Variants in TMEM181 observed in about 807,000 individuals in gnomAD.
TMEM181 encodes the protein transmembrane protein 181.
TMEM181 carries 39 observed loss-of-function variants against 71.9 expected under a neutral mutation model. The observed-to-expected ratio is 0.54, with a 90% CI of 0.42 to 0.71. TMEM181 has a LOEUF of 0.71. Ranked by LOEUF, TMEM181 falls within the 30% of genes least tolerant of loss-of-function variation. The pLI, the probability that TMEM181 is intolerant of heterozygous loss-of-function variation, is 0.00. For synonymous variants in TMEM181, 245 were observed against 228.8 expected (o/e 1.07, Z -0.64); for missense variants, 595 against 583.0 (o/e 1.02, Z -0.21).
chr6:158,608,198 T>C, intron 8 of TMEM181, 135 bp from the exon 9 acceptor site: 2 of 1,182,982 alleles, frequency 1.7e-6, no homozygotes, highest in Non-Finnish European at 1.2e-6. Context: ...TATGGGGTGC[T>C]GTCTGCCAGG....
Position 158,566,238 on chromosome 6 carries a change from G to C in TMEM181, c.8+6006G>C, listed in dbSNP as rs940391516. 1.1e-4 allele frequency among the ~76,000 whole-genome samples: 16 copies of C among 152,190 alleles called. No homozygotes were observed. In the Middle Eastern group the frequency reaches 0.01, roughly 97 times the overall value. ...GATAGCCAAACGGGCATGCCAAGTG[G>C]TTGAGTAGGGGTCTGGAGTTGAGGG... On this transcript the variant is annotated intron_variant, in intron 1 of 16. Transcript: ENST00000684151.
chr6:158,623,539 T>C lies in TMEM181; in HGVS notation c.897-11T>C. On this transcript the variant is annotated splice_polypyrimidine_tract_variant and intron_variant, in intron 10 of 16. Coordinates refer to ENST00000684151, the MANE Select transcript of TMEM181 (RefSeq NM_001376852.1). The stretch of plus-strand genomic sequence containing the variant: ...TATTAATCTATAATTATTTATAATG[T>C]CAATTTTTAGAGTTAACGAATTACA... 1 of 1,509,878 alleles carries C rather than the reference T, an allele frequency of 6.6e-7. No individual in the cohort carries two copies. The allele number at this position is 1,509,878 out of a possible 1,614,324, so 93.5% of individuals were successfully genotyped here.
intron 11 of TMEM181, 135 bp from the exon 12 acceptor site, chr6:158,624,969 G>A: frequency 1.4e-6 from 1 of 732,502 alleles, no homozygotes; most frequent in Non-Finnish European, 2.5e-6. Flanking sequence ...GGAGCCCATT[G>A]TTCTGCTTCC....
intron 13 of TMEM181, among the ~76,000 whole-genome samples, chr6:158,627,019 TCA>T (rs1375451118): frequency 3.0e-4 from 42 of 139,244 alleles, no homozygotes; most frequent in Non-Finnish European, 4.6e-4. Context: ...TTACAGCCTC[TCA>T]CTCTCACACA....
intron 6 of TMEM181, among the ~76,000 whole-genome samples, chr6:158,604,113 G>T (rs1382704005): frequency 6.6e-6 from 1 of 152,182 alleles, no homozygotes; most frequent in Admixed American, 6.5e-5. Context: ...TTTTTGGGAG[G>T]TTCGTTCTCT....
intron 1 of TMEM181, among the ~76,000 whole-genome samples, chr6:158,562,860 C>T (rs528709945): frequency 3.3e-5 from 5 of 152,210 alleles, no homozygotes; most frequent in Non-Finnish European, 7.3e-5. Context: ...GGAATCCTCA[C>T]TATCACCTTT....
At position 158,585,306 on chromosome 6, in the gene TMEM181, ACTT is replaced by A; in HGVS notation, c.265_267del (p.Ser89del). ...CACTGAATTTTTTTCTTTTGTAGAAACTTCTATTAAGACAAGCTTTCCCATGAC... is the reference window on the plus strand; with the variant it reads ...CACTGAATTTTTTTCTTTTGTAGAAACTATTAAGACAAGCTTTCCCATGAC... On this transcript the variant is annotated inframe_deletion, in exon 5 of 17. Transcript: ENST00000684151. The A allele has an allele frequency of 1.3e-6, 2 of 1,596,816 alleles. No individual in the cohort carries two copies. Among genetic ancestry groups the A allele is most frequent in the Non-Finnish European group, 1.7e-6 (2 of 1,173,690 alleles).
intron 5 of TMEM181, among the ~76,000 whole-genome samples, chr6:158,585,809 G>A (rs1313188826): frequency 6.6e-6 from 1 of 152,176 alleles, no homozygotes; most frequent in Non-Finnish European, 1.5e-5. Context: ...GCCACAGGCT[G>A]TGGTCACTGG....
rs112808629 is a variant in TMEM181 at position 158,614,065 on chromosome 6, A to G, written c.896+5315A>G. Among the ~76,000 whole-genome samples, 330 of 152,344 alleles carry G rather than the reference A, an allele frequency of 2.2e-3. 1 individual carries two copies. The highest frequency in any genetic ancestry group is 7.5e-3 in the African/African-American group (311 of 41,582). On this transcript the variant is annotated intron_variant, in intron 10 of 16. Coordinates refer to ENST00000684151, the MANE Select transcript of TMEM181 (RefSeq NM_001376852.1). ...GACATCCCATACAGTTTTAGAACAT[A>G]TGTTAATATTATTCCCTCAAATAAA...
At chr6:158,601,335 G>C (rs995664102) in intron 6 of TMEM181, among the ~76,000 whole-genome samples, 5 of 151,822 alleles carry the variant, frequency 3.3e-5, no homozygotes, top group African/African-American at 1.2e-4. Context: ...GATCACCTGA[G>C]ATCAGGAGTT....
intron 10 of TMEM181, chr6:158,611,521 A>G (rs1785310127): frequency 2.0e-6 from 1 of 494,856 alleles, no homozygotes; most frequent in African/African-American, 2.0e-5. Context: ...GAGTTCATGG[A>G]GTTACGAGAA....
chr6:158,584,968 T>G (rs917014099), intron 4 of TMEM181, among the ~76,000 whole-genome samples: 1 of 152,190 alleles, frequency 6.6e-6, no homozygotes, highest in African/African-American at 2.4e-5. Flanking sequence ...TTTCTATTTT[T>G]GGTATAGAAT....
rs927270990 is a variant in TMEM181, at chr6:158,632,098, T to G, written c.*210T>G. On this transcript the variant is annotated 3_prime_UTR_variant, in exon 17 of 17. Coordinates refer to ENST00000684151, the MANE Select transcript of TMEM181 (RefSeq NM_001376852.1). ...TCATGGTGGCTACGAGAAGAGGCAT[T>G]GATAACAAGTTTCAACAGCCAAATC... 2.0e-5 allele frequency: 11 copies of G among 548,964 alleles called. No homozygotes were observed. The African/African-American group carries it at 2.1e-4, about 10-fold the overall frequency. The allele number at this position is 548,964 out of a possible 1,614,324, so 34.0% of individuals were successfully genotyped here. A position where few individuals can be genotyped will look rare whatever the true frequency, so the allele number is the denominator to read the frequency against.
At chr6:158,579,073 A>G (rs1783323139) in intron 2 of TMEM181, among the ~76,000 whole-genome samples, 1 of 152,026 alleles carries the variant, frequency 6.6e-6, no homozygotes, top group African/African-American at 2.4e-5. Context: ...AGCCTAACCA[A>G]CATGGTGAAA....
upstream of TMEM181, among the ~76,000 whole-genome samples, chr6:158,557,168 A>G (rs1157926630): frequency 1.3e-5 from 2 of 152,192 alleles, no homozygotes; most frequent in East Asian, 1.9e-4. Flanking sequence ...TGAGCCCAGG[A>G]GTTCAAGACC....
intron 1 of TMEM181, among the ~76,000 whole-genome samples, chr6:158,540,338 T>C (rs1170791448): frequency 6.6e-6 from 1 of 152,218 alleles, no homozygotes; most frequent in Non-Finnish European, 1.5e-5. Flanking sequence ...AACATACACA[T>C]TTCCTCAGGC....
chr6:158,581,047 AG>A, intron 3 of TMEM181, 52 bp downstream of exon 3: 1 of 1,532,714 alleles, frequency 6.5e-7, no homozygotes, highest in Non-Finnish European at 9.0e-7. Flanking sequence ...TATAAACCTC[AG>A]GTCACTGAGA....
chr6:158,582,447 A>C (rs561451116), intron 3 of TMEM181, among the ~76,000 whole-genome samples: 1 of 152,284 alleles, frequency 6.6e-6, no homozygotes, highest in South Asian at 2.1e-4. Flanking sequence ...ATTAAGACAC[A>C]AAAACACATT....
intron 2 of TMEM181, among the ~76,000 whole-genome samples, chr6:158,573,984 C>T (rs988163007): frequency 6.6e-6 from 1 of 152,060 alleles, no homozygotes; most frequent in Non-Finnish European, 1.5e-5. Context: ...TCATCTAGGC[C>T]AATCCCCTTT....
Sources: gnomAD v4.1 joint callset for allele counts (sites outside exome capture counted in the v4.1 genomes callset) on GRCh38, gnomAD v4.1.1 for gene constraint, MANE v1.5 for transcripts, NCBI Gene and HGNC (gene_info 2026-07-23, HGNC 2026-07-21) for gene names.